IPO11: variants seen among roughly 807,000 people sequenced by gnomAD.
The protein encoded by IPO11 is importin 11.
In IPO11, 66 loss-of-function variants were observed where a neutral mutation model predicts 143.2. The observed-to-expected ratio is 0.46, with a 90% confidence interval of 0.38 to 0.57. IPO11 has a LOEUF of 0.57. Ranked by LOEUF, IPO11 falls within the 20% of genes least tolerant of loss-of-function variation. IPO11 has a pLI of 0.00. For missense variants in IPO11, 1,026 were observed against 1,141.0 expected (o/e 0.90, Z 1.45); for synonymous variants, 385 against 377.8 (o/e 1.02, Z -0.22).
chr5:62,536,645 C>A (rs1182532162), intron 22 of IPO11, 57 bp from the exon 23 acceptor site: 14 of 1,539,500 alleles, frequency 9.1e-6, no homozygotes, highest in Non-Finnish European at 1.2e-5. Flanking sequence ...TTCATTTAAA[C>A]TAATTTTGAG....
intron 3 of IPO11, 185 bp from the exon 4 acceptor site, chr5:62,449,742 C>G: frequency 2.4e-6 from 1 of 421,354 alleles, no homozygotes; most frequent in African/African-American, 2.1e-5. Context: ...GTTTAGAAAA[C>G]TTTTTATTGT....
intron 1 of IPO11, among the ~76,000 whole-genome samples, chr5:62,430,803 G>A (rs564964686): frequency 1.5e-4 from 22 of 150,546 alleles, no homozygotes; most frequent in African/African-American, 5.4e-4. Flanking sequence ...TCAGCCTCCC[G>A]AGTAGCTGGG....
rs1746623633 is a variant in IPO11 at position 62,627,361 on chromosome 5, G to C, written c.*43G>C. On this transcript the variant is annotated 3_prime_UTR_variant, in exon 30 of 30. Coordinates refer to ENST00000325324, the MANE Select transcript of IPO11 (RefSeq NM_016338.5). ...CTGCCTCCCCTTTCAGAAACAAGCT[G>C]AGTAACCCAGCCTGCCGTTTGTATG... 9 of 1,574,164 alleles carry C rather than the reference G, an allele frequency of 5.7e-6. No individual in the cohort carries two copies. The highest frequency in any genetic ancestry group is 7.8e-6 in the Non-Finnish European group (9 of 1,152,842).
At chr5:62,486,456 GTTAT>G (rs1228836539) in intron 12 of IPO11, among the ~76,000 whole-genome samples, 1 of 152,104 alleles carries the variant, frequency 6.6e-6, no homozygotes, top group African/African-American at 2.4e-5. Flanking sequence ...CTTTTGGTAT[GTTAT>G]TTCTCTTACC....
intron 1 of IPO11, among the ~76,000 whole-genome samples, chr5:62,419,467 G>A (rs945078895): frequency 3.9e-5 from 6 of 151,994 alleles, no homozygotes; most frequent in East Asian, 1.9e-4. Context: ...TAAAACAGAC[G>A]CAAACACACA....
intron 29 of IPO11, among the ~76,000 whole-genome samples, chr5:62,608,889 T>G (rs972209119): frequency 1.3e-5 from 2 of 152,212 alleles, no homozygotes; most frequent in African/African-American, 4.8e-5. Context: ...TTTCACTGCC[T>G]TCAAAATCCT....
chr5:62,467,274 G>A lies in IPO11; in HGVS notation c.649+11G>A, dbSNP rs980179147. 6.2e-7 allele frequency: 1 copy of A among 1,603,760 alleles called. No homozygotes were observed. Among genetic ancestry groups the A allele is most frequent in the African/African-American group, 1.3e-5 (1 of 74,408 alleles). On this transcript the variant is annotated intron_variant, in intron 6 of 29. Coordinates refer to ENST00000325324, the MANE Select transcript of IPO11 (RefSeq NM_016338.5). ...TGCTATCATTGAAAGGTACTATTAA[G>A]CTTGATATGTTCATTTTTGAAATGA...
chr5:62,604,969 A>G (rs1273541091), intron 29 of IPO11, among the ~76,000 whole-genome samples: 2 of 152,222 alleles, frequency 1.3e-5, no homozygotes, highest in African/African-American at 4.8e-5. Flanking sequence ...CTTGAACTGT[A>G]TTGTCTATAA....
At chr5:62,471,399 C>T (rs1237662907) in intron 7 of IPO11, among the ~76,000 whole-genome samples, 1 of 151,622 alleles carries the variant, frequency 6.6e-6, no homozygotes, top group East Asian at 1.9e-4. Context: ...GTTTAAAACC[C>T]ATAATATACA....
intron 16 of IPO11, among the ~76,000 whole-genome samples, chr5:62,494,710 T>C (rs1741072532): frequency 6.6e-6 from 1 of 152,150 alleles, no homozygotes; most frequent in Non-Finnish European, 1.5e-5. Context: ...TTTTAAGAAG[T>C]TTAAATTGTA....
At chr5:62,443,234 G>A in intron 3 of IPO11, 151 bp downstream of exon 3, 1 of 478,778 alleles carries the variant, frequency 2.1e-6, no homozygotes, top group Non-Finnish European at 3.7e-6. Flanking sequence ...GATTAGCATG[G>A]TCTCTGTGCA....
intron 1 of IPO11, among the ~76,000 whole-genome samples, chr5:62,435,547 G>A (rs558411169): frequency 1.3e-5 from 2 of 152,022 alleles, no homozygotes; most frequent in South Asian, 2.1e-4. Flanking sequence ...CAGTGATCAC[G>A]TCACTGTGTT....
intron 28 of IPO11, among the ~76,000 whole-genome samples, chr5:62,595,448 T>A (rs150589604): frequency 8.7e-4 from 132 of 152,370 alleles, no homozygotes; most frequent in African/African-American, 3.1e-3. Flanking sequence ...AGCCTATGCT[T>A]ATTTTTATAC....
intron 26 of IPO11, among the ~76,000 whole-genome samples, chr5:62,553,753 T>A (rs1389059899): frequency 6.6e-6 from 1 of 151,806 alleles, no homozygotes; most frequent in Admixed American, 6.6e-5. Flanking sequence ...GATGTTGACC[T>A]TTTTTTTGTT....
chr5:62,419,042 A>G lies in IPO11; in HGVS notation c.-7+6113A>G, dbSNP rs1258418613. The G allele has an allele frequency of 5.8e-6, 9 of 1,551,318 alleles. No homozygotes were observed. The South Asian group carries it at 7.1e-5, about 12-fold the overall frequency. ...GTACAGCCTATTATACACTTGGGCTATGTGGTATATAGCTTATTGTATCTA... is the reference window on the plus strand; with the variant it reads ...GTACAGCCTATTATACACTTGGGCTGTGTGGTATATAGCTTATTGTATCTA... On this transcript the variant is annotated intron_variant, in intron 1 of 29. Transcript: ENST00000325324.
intron 22 of IPO11, among the ~76,000 whole-genome samples, chr5:62,533,574 TA>T (rs1742631418): frequency 6.6e-6 from 1 of 152,214 alleles, no homozygotes; most frequent in Admixed American, 6.5e-5. Context: ...TTTAATCTTT[TA>T]AGAGTATAAA....
chr5:62,521,640 T>C (rs1030875763), intron 20 of IPO11, among the ~76,000 whole-genome samples: 1 of 152,112 alleles, frequency 6.6e-6, no homozygotes, highest in Non-Finnish European at 1.5e-5. Context: ...TTTCTTCCTC[T>C]TCGTATTTTT....
rs771818177 is a variant in IPO11, at chr5:62,551,266, G to A, written c.2390G>A (p.Arg797Gln). 77 of 1,610,376 alleles carry A rather than the reference G, an allele frequency of 4.8e-5. No homozygotes were observed. Among genetic ancestry groups the A allele is most frequent in the Admixed American group, 1.2e-4 (7 of 59,980 alleles). The change falls in exon 26 of 30, where the codon CGA (arginine) becomes CAA (glutamine). Residue 797 changes from arginine (R) to glutamine (Q), a missense_variant. By Grantham distance (43) the Arg-to-Gln change is conservative (BLOSUM62 1). Coordinates refer to ENST00000325324, the MANE Select transcript of IPO11 (RefSeq NM_016338.5). ...TCCACGTATCTTGGAGTTATGGGTCGAGTTCTACTACAAAACACTAGTTTT... is the reference window on the plus strand; with the variant it reads ...TCCACGTATCTTGGAGTTATGGGTCAAGTTCTACTACAAAACACTAGTTTT... ...VMSTYLGVMG[R>Q]VLLQNTSFFS...
At chr5:62,413,176 G>A (rs1309023689) in intron 1 of IPO11, among the ~76,000 whole-genome samples, 1 of 152,214 alleles carries the variant, frequency 6.6e-6, no homozygotes, top group African/African-American at 2.4e-5. Context: ...GGGTGGGAGG[G>A]ACCGTATGCT....
Sources: gnomAD v4.1 joint callset for allele counts (sites outside exome capture counted in the v4.1 genomes callset) on GRCh38, gnomAD v4.1.1 for gene constraint, MANE v1.5 for transcripts, NCBI Gene and HGNC (gene_info 2026-07-23, HGNC 2026-07-21) for gene names.